PRKN: variants seen among roughly 807,000 people sequenced by gnomAD.
PRKN encodes the protein E3 ubiquitin-protein ligase parkin.
PRKN carries 56 observed loss-of-function variants against 59.5 expected under a neutral mutation model. The observed-to-expected ratio is 0.94, with a 90% CI of 0.76 to 1.18. The LOEUF is 1.18. Ranked by LOEUF, PRKN falls within the 50% of genes most tolerant of loss-of-function variation. The pLI, the probability that PRKN is intolerant of heterozygous loss-of-function variation, is 0.00. For missense variants in PRKN, 657 were observed against 596.4 expected (o/e 1.10, Z -1.06); for synonymous variants, 250 against 222.1 (o/e 1.13, Z -1.12).
At chr6:161,639,730 T>C (rs1027251785) in intron 7 of PRKN, among the ~76,000 whole-genome samples, 1 of 152,156 alleles carries the variant, frequency 6.6e-6, no homozygotes, top group Non-Finnish European at 1.5e-5. Flanking sequence ...ACATTCTCCA[T>C]TATTAGTCTT....
At chr6:162,239,572 G>C (rs1432691768) in intron 3 of PRKN, among the ~76,000 whole-genome samples, 2 of 151,954 alleles carry the variant, frequency 1.3e-5, no homozygotes, top group East Asian at 3.9e-4. Context: ...CGTGGGAGTT[G>C]AGGAGCGTCT....
At chr6:161,640,461 A>G (rs1057433348) in intron 7 of PRKN, among the ~76,000 whole-genome samples, 7 of 152,228 alleles carry the variant, frequency 4.6e-5, no homozygotes, top group Non-Finnish European at 1.0e-4. Flanking sequence ...TCGCACAGAC[A>G]GATGTGATTA....
At chr6:162,577,887 C>T (rs1392340672) in intron 1 of PRKN, among the ~76,000 whole-genome samples, 1 of 152,112 alleles carries the variant, frequency 6.6e-6, no homozygotes, top group Non-Finnish European at 1.5e-5. Flanking sequence ...TGGGATCACA[C>T]CAGTGCAGTC....
At chr6:161,364,893 T>A (rs1176602812) in intron 10 of PRKN, among the ~76,000 whole-genome samples, 1 of 149,384 alleles carries the variant, frequency 6.7e-6, no homozygotes, top group South Asian at 2.1e-4. Flanking sequence ...ATGGTGCCAG[T>A]ACACTCCAGC....
At chr6:162,525,209 C>G (rs1778231318) in intron 1 of PRKN, among the ~76,000 whole-genome samples, 1 of 152,132 alleles carries the variant, frequency 6.6e-6, no homozygotes, top group African/African-American at 2.4e-5. Flanking sequence ...TCCACCAAGA[C>G]CACTCTGACC....
rs200249906 is a variant in PRKN, at chr6:162,435,100, AGTG to A, written c.171+8207_171+8209del. ...ACAGAATATCTGAAACTAGGACTTC[AGTG>A]AACAGTAACACAGTTTCAGTATGGC... On this transcript the variant is annotated intron_variant, in intron 2 of 11. Coordinates refer to ENST00000366898, the MANE Select transcript of PRKN (RefSeq NM_004562.3). Among the ~76,000 whole-genome samples, 915 of 152,336 alleles carry A rather than the reference AGTG, an allele frequency of 6.0e-3. 12 individuals carry two copies. Among genetic ancestry groups the A allele is most frequent in the African/African-American group, 0.021 (875 of 41,582 alleles).
chr6:161,661,690 T>C (rs1159770313), intron 7 of PRKN, among the ~76,000 whole-genome samples: 2 of 152,112 alleles, frequency 1.3e-5, no homozygotes, highest in Non-Finnish European at 2.9e-5. Flanking sequence ...ATCATCAACA[T>C]CTAGAACAGT....
At chr6:161,782,044 C>A (rs1790227786) in intron 7 of PRKN, among the ~76,000 whole-genome samples, 1 of 152,146 alleles carries the variant, frequency 6.6e-6, no homozygotes, top group Non-Finnish European at 1.5e-5. Context: ...CCCTTTGGTG[C>A]AGTAACCCCT....
intron 1 of PRKN, among the ~76,000 whole-genome samples, chr6:162,718,965 C>T (rs1258169485): frequency 6.6e-6 from 1 of 152,094 alleles, no homozygotes; most frequent in Non-Finnish European, 1.5e-5. Context: ...CACACACACA[C>T]ACGAGAAAGG....
At chr6:162,390,491 G>T (rs1040609911) in intron 2 of PRKN, among the ~76,000 whole-genome samples, 1 of 150,426 alleles carries the variant, frequency 6.6e-6, no homozygotes, top group Non-Finnish European at 1.5e-5. Flanking sequence ...ACCCAGTCTG[G>T]AGTGCACTGG....
chr6:161,583,907 G>A (rs1781434396), intron 7 of PRKN, among the ~76,000 whole-genome samples: 1 of 152,122 alleles, frequency 6.6e-6, no homozygotes, highest in Non-Finnish European at 1.5e-5. Context: ...CCATTCAGAG[G>A]CATTAAATTG....
intron 6 of PRKN, among the ~76,000 whole-genome samples, chr6:161,959,177 TACAG>T (rs1225851859): frequency 6.6e-6 from 1 of 152,174 alleles, no homozygotes; most frequent in East Asian, 1.9e-4. Flanking sequence ...CTGTAGAAGA[TACAG>T]AGAGAAGTAC....
intron 1 of PRKN, among the ~76,000 whole-genome samples, chr6:162,485,980 C>T (rs1792520965): frequency 6.6e-6 from 1 of 152,194 alleles, no homozygotes; most frequent in Non-Finnish European, 1.5e-5. Context: ...GTTGCATTCA[C>T]ACAAATCGCT....
At chr6:161,913,088 T>C (rs1450587552) in intron 6 of PRKN, among the ~76,000 whole-genome samples, 2 of 148,628 alleles carry the variant, frequency 1.3e-5, no homozygotes. Flanking sequence ...GCAGGAGAAT[T>C]GCCCAGAGGC....
intron 5 of PRKN, among the ~76,000 whole-genome samples, chr6:162,037,398 C>T (rs1407586230): frequency 6.6e-6 from 1 of 152,086 alleles, no homozygotes; most frequent in African/African-American, 2.4e-5. Flanking sequence ...ACGTGAGACA[C>T]AAAAACAGGT....
In PRKN at chr6:161,538,238, T is replaced by C. The variant is rs546955867; in HGVS notation, c.1083+10616A>G. The stretch of plus-strand genomic sequence containing the variant: ...GGGTTCCTTCTCACTTGTACACTTC[T>C]TCTGATCCTGGTTCAAGAATGGGCA... On this transcript the variant is annotated intron_variant, in intron 9 of 11. Coordinates refer to ENST00000366898, the MANE Select transcript of PRKN (RefSeq NM_004562.3). This position sits in a 1 kb window ranked among gnomAD's most constrained non-coding sequence, Gnocchi z 4.2. Among the ~76,000 whole-genome samples, 1 of 152,326 alleles carries C rather than the reference T, an allele frequency of 6.6e-6. No homozygotes were observed. The highest frequency in any genetic ancestry group is 2.1e-4 in the South Asian group (1 of 4,826).
Position 162,590,760 on chromosome 6 carries a change from T to A in PRKN, c.7+136902A>T, listed in dbSNP as rs1396556491. On this transcript the variant is annotated intron_variant, in intron 1 of 11. Coordinates refer to ENST00000366898, the MANE Select transcript of PRKN (RefSeq NM_004562.3). Reference sequence around the variant, plus strand: ...CTCTGGAATACTTTTTTATTATGAGTGAATTGGTGAAAAAACAAAACAAAA... The same window carrying A: ...CTCTGGAATACTTTTTTATTATGAGAGAATTGGTGAAAAAACAAAACAAAA... Among the ~76,000 whole-genome samples, 6 of 152,142 alleles carry A rather than the reference T, an allele frequency of 3.9e-5. No homozygotes were observed. In the East Asian group the frequency reaches 1.2e-3, roughly 29 times the overall value.
chr6:162,368,589 T>C (rs973946680), intron 2 of PRKN, among the ~76,000 whole-genome samples: 2 of 152,152 alleles, frequency 1.3e-5, no homozygotes, highest in Non-Finnish European at 2.9e-5. Context: ...GCTCACACTC[T>C]GTCATCAGAG....
At chr6:162,605,652 T>C (rs773956390) in intron 1 of PRKN, among the ~76,000 whole-genome samples, 1 of 152,134 alleles carries the variant, frequency 6.6e-6, no homozygotes, top group Non-Finnish European at 1.5e-5. Context: ...TAGCAAGAAA[T>C]GTTTACCTGT....
Sources: allele counts gnomAD v4.1 joint callset (sites outside exome capture counted in the v4.1 genomes callset), GRCh38; gene constraint gnomAD v4.1.1; non-coding constraint Gnocchi (gnomAD v3.1); transcripts MANE v1.5; gene names NCBI Gene and HGNC (gene_info 2026-07-23, HGNC 2026-07-21).